Variants in RALYL observed in about 807,000 individuals in gnomAD.
RALYL encodes RALY RNA binding protein like.
Under a neutral mutation model 35.1 loss-of-function variants are expected in RALYL, and 29 were observed. That is an observed-to-expected ratio of 0.83 (90% confidence interval 0.61 to 1.13). RALYL has a LOEUF of 1.13. Among genes scored for constraint, RALYL ranks in the 50% most tolerant of loss-of-function variants. The pLI, the probability that RALYL is intolerant of heterozygous loss-of-function variation, is 0.00. For synonymous variants in RALYL, 120 were observed against 127.6 expected, an observed-to-expected ratio of 0.94 and a Z score of 0.40; for missense variants, 359 against 360.4, an observed-to-expected ratio of 1.00 and a Z score of 0.03.
chr8:84,457,706 C>T (rs1449825412), intron 1 of RALYL, among the ~76,000 whole-genome samples: 1 of 151,776 alleles, frequency 6.6e-6, no homozygotes, highest in Admixed American at 6.6e-5. Flanking sequence ...TTCTTTGAAG[C>T]CTATTTCATT....
chr8:84,748,213 G>A (rs1563510558), intron 2 of RALYL, among the ~76,000 whole-genome samples: 3 of 151,960 alleles, frequency 2.0e-5, no homozygotes, highest in South Asian at 2.1e-4. Context: ...ATTCAACAGA[G>A]AGTATATGAA....
chr8:84,844,233 A>T (rs1248912091), intron 4 of RALYL, among the ~76,000 whole-genome samples: 1 of 152,248 alleles, frequency 6.6e-6, no homozygotes, highest in Non-Finnish European at 1.5e-5. Context: ...ATAAAGGGTT[A>T]ATATCCAGAA....
intron 1 of RALYL, among the ~76,000 whole-genome samples, chr8:84,310,818 C>T (rs549443525): frequency 1.2e-4 from 17 of 137,630 alleles, no homozygotes; most frequent in East Asian, 7.8e-4. Flanking sequence ...GAGGCCGAGG[C>T]GGGTGGATCA....
intron 8 of RALYL, among the ~76,000 whole-genome samples, chr8:84,896,448 G>A (rs1844756153): frequency 1.3e-5 from 2 of 152,204 alleles, no homozygotes; most frequent in Non-Finnish European, 2.9e-5. Flanking sequence ...TGCCAATTTG[G>A]CTGTGTTAAA....
chr8:84,669,604 T>G (rs555118608), intron 2 of RALYL, among the ~76,000 whole-genome samples: 29 of 151,708 alleles, frequency 1.9e-4, no homozygotes, highest in African/African-American at 6.8e-4. Context: ...GGTATTCTGT[T>G]CCTGCATTAA....
At chr8:84,851,933 C>G (rs1835933398) in intron 5 of RALYL, among the ~76,000 whole-genome samples, 1 of 152,330 alleles carries the variant, frequency 6.6e-6, no homozygotes, top group Non-Finnish European at 1.5e-5. Context: ...CTTCCTTCCC[C>G]CACCTGAACA....
chr8:84,623,244 A>G (rs1821963474), intron 2 of RALYL, among the ~76,000 whole-genome samples: 1 of 152,148 alleles, frequency 6.6e-6, no homozygotes, highest in Non-Finnish European at 1.5e-5. Context: ...TTCATAGGTA[A>G]AGAATTAATG....
At chr8:84,791,459 T>C (rs1001365772) in intron 3 of RALYL, among the ~76,000 whole-genome samples, 1 of 152,172 alleles carries the variant, frequency 6.6e-6, no homozygotes, top group African/African-American at 2.4e-5. Flanking sequence ...TTTGAAGCAC[T>C]TTGGGTTTCA....
chr8:84,709,798 T>A (rs557167905), intron 2 of RALYL, among the ~76,000 whole-genome samples: 4 of 152,228 alleles, frequency 2.6e-5, no homozygotes, highest in Admixed American at 6.5e-5. Context: ...CAGTGTCTCA[T>A]GCCTGTAATC....
chr8:84,893,699 CT>C (rs1844260826), intron 8 of RALYL, among the ~76,000 whole-genome samples: 1 of 152,172 alleles, frequency 6.6e-6, no homozygotes, highest in Non-Finnish European at 1.5e-5. Context: ...AGAAGCAGCC[CT>C]GGAATCTGTG....
chr8:84,205,137 T>C (rs1178513277), intron 1 of RALYL, among the ~76,000 whole-genome samples: 1 of 152,248 alleles, frequency 6.6e-6, no homozygotes, highest in Non-Finnish European at 1.5e-5. Context: ...TCGTTTTATA[T>C]ACATTGTTAT....
At chr8:84,518,496 C>G (rs1366841314) in intron 1 of RALYL, among the ~76,000 whole-genome samples, 1 of 152,142 alleles carries the variant, frequency 6.6e-6, no homozygotes, top group Non-Finnish European at 1.5e-5. Flanking sequence ...CATCTACAGT[C>G]ATAGCAGTTG....
intron 1 of RALYL, among the ~76,000 whole-genome samples, chr8:84,220,046 T>A (rs1821814334): frequency 6.6e-6 from 1 of 152,062 alleles, no homozygotes; most frequent in Admixed American, 6.6e-5. Flanking sequence ...ATGAATGTTC[T>A]ACTAGGGTAC....
chr8:84,477,033 G>A (rs1049751514), intron 1 of RALYL, among the ~76,000 whole-genome samples: 1 of 152,044 alleles, frequency 6.6e-6, no homozygotes, highest in Non-Finnish European at 1.5e-5. Context: ...TCCTCACACA[G>A]GGCAAAAAAC....
At chr8:84,559,239 GTATT>G (rs1263202188) in intron 2 of RALYL, among the ~76,000 whole-genome samples, 1 of 151,822 alleles carries the variant, frequency 6.6e-6, no homozygotes, top group Admixed American at 6.6e-5. Context: ...GGGTTTATAA[GTATT>G]TAATGTAAGA....
intron 1 of RALYL, among the ~76,000 whole-genome samples, chr8:84,433,833 A>ATG (rs1318283261): frequency 1.2e-4 from 13 of 109,936 alleles, no homozygotes; most frequent in African/African-American, 4.1e-4. Flanking sequence ...GTGTGTGTGT[A>ATG]TGTGTGTGTG....
At chr8:84,498,147 C>T (rs1407076057) in intron 1 of RALYL, among the ~76,000 whole-genome samples, 1 of 151,912 alleles carries the variant, frequency 6.6e-6, no homozygotes, top group Non-Finnish European at 1.5e-5. Flanking sequence ...TAACTCCATT[C>T]TAACCAAGAG....
chr8:84,819,068 A>G (rs1195344930), intron 4 of RALYL, among the ~76,000 whole-genome samples: 2 of 152,188 alleles, frequency 1.3e-5, no homozygotes, highest in East Asian at 1.9e-4. Flanking sequence ...AATTTTCTCT[A>G]TGTCTGCAGG....
At chr8:84,572,239 T>G (rs1026841258) in intron 2 of RALYL, among the ~76,000 whole-genome samples, 2 of 151,790 alleles carry the variant, frequency 1.3e-5, no homozygotes, top group African/African-American at 2.4e-5. Context: ...TTTTTGTTTT[T>G]GTTTTTTATC....
Sources: allele counts gnomAD v4.1 joint callset (sites outside exome capture counted in the v4.1 genomes callset), GRCh38; gene constraint gnomAD v4.1.1; transcripts MANE v1.5; gene names NCBI Gene and HGNC (gene_info 2026-07-23, HGNC 2026-07-21).